The following WWTR1 variants were observed in gnomAD, a reference collection of about 807,000 sequenced individuals.
WWTR1 encodes WW domain containing transcription regulator 1.
WWTR1 carries 13 observed loss-of-function variants against 40.1 expected under a neutral mutation model. That is an observed-to-expected ratio of 0.32 (90% confidence interval 0.21 to 0.52). The LOEUF (loss-of-function observed/expected upper bound fraction) is 0.52, where lower values mean the gene tolerates loss of function less well. WWTR1 is among the 20% of genes least tolerant of loss of function. WWTR1 has a pLI of 0.97. For synonymous variants in WWTR1, 230 were observed against 210.1 expected, an observed-to-expected ratio of 1.09 and a Z score of -0.82; for missense variants, 436 against 523.1, an observed-to-expected ratio of 0.83 and a Z score of 1.63.
At chr3:149,714,437 G>A (rs1325112180) in intron 5 of WWTR1, among the ~76,000 whole-genome samples, 1 of 152,208 alleles carries the variant, frequency 6.6e-6, no homozygotes. Flanking sequence ...GCGCCCCCTC[G>A]GATCTCAGAG....
Position 149,519,338 on chromosome 3 carries a change from C to T in WWTR1, c.*1467G>A, listed in dbSNP as rs908315324. On this transcript the variant is annotated 3_prime_UTR_variant, in exon 7 of 7. Coordinates refer to ENST00000360632, the MANE Select transcript of WWTR1 (RefSeq NM_015472.6). ...ACTTAGGAATCAATTTTACTGAATT[C>T]AGAAACATTTATCTCCACCATACAC... 1 of 152,168 alleles carries T rather than the reference C, an allele frequency of 6.6e-6. No homozygotes were observed. Among genetic ancestry groups the T allele is most frequent in the Non-Finnish European group, 1.5e-5 (1 of 68,036 alleles). 9.4% of individuals were successfully genotyped at this position (152,168 alleles called of 1,614,324 possible).
intron 1 of WWTR1, among the ~76,000 whole-genome samples, chr3:149,686,369 A>C (rs1714652862): frequency 6.6e-6 from 1 of 152,116 alleles, no homozygotes; most frequent in Non-Finnish European, 1.5e-5. Flanking sequence ...GAGTGAAGAA[A>C]CCAGCTAGGG....
intron 2 of WWTR1, among the ~76,000 whole-genome samples, chr3:149,611,852 T>C (rs1424620858): frequency 6.6e-6 from 1 of 152,264 alleles, no homozygotes; most frequent in Non-Finnish European, 1.5e-5. Context: ...CTCACAAATA[T>C]GTTTGTTCAC....
chr3:149,625,533 G>A lies in WWTR1; in HGVS notation c.431+31343C>T, dbSNP rs964172107. 2.0e-4 allele frequency among the ~76,000 whole-genome samples: 30 copies of A among 152,074 alleles called. 1 individual carries two copies. Among genetic ancestry groups the A allele is most frequent in the Non-Finnish European group, 5.9e-5 (4 of 67,968 alleles). The stretch of plus-strand genomic sequence containing the variant: ...GAGCATGGTATGGTGGCTCATGCCT[G>A]TAATCCCAGCACTTTGGAAGGCCAA... On this transcript the variant is annotated intron_variant, in intron 2 of 6. Transcript: ENST00000360632.
At chr3:149,526,452 A>T (rs1735318069) in intron 5 of WWTR1, among the ~76,000 whole-genome samples, 1 of 151,976 alleles carries the variant, frequency 6.6e-6, no homozygotes, top group Admixed American at 6.6e-5. Flanking sequence ...TTGCTTATGG[A>T]TACATACACT....
intron 2 of WWTR1, among the ~76,000 whole-genome samples, chr3:149,642,288 C>T (rs1560099381): frequency 6.6e-6 from 1 of 151,916 alleles, no homozygotes; most frequent in African/African-American, 2.4e-5. Flanking sequence ...GGCGTGGTGG[C>T]CCATGCCTGT....
intron 5 of WWTR1, among the ~76,000 whole-genome samples, chr3:149,709,316 C>T (rs916527145): frequency 2.6e-5 from 4 of 151,162 alleles, no homozygotes; most frequent in South Asian, 4.2e-4. Context: ...ATTGGTGTGA[C>T]GTGTTAACTC....
At position 149,525,829 on chromosome 3, in the gene WWTR1, G is replaced by A. The variant is rs538842523; in HGVS notation, c.1018+184C>T. Reference sequence around the variant, plus strand: ...ACTATGCTCACTACCTGGGTGACGAGAGCAATCGTATCCCAAACCCCGGCA... The same window carrying A: ...ACTATGCTCACTACCTGGGTGACGAAAGCAATCGTATCCCAAACCCCGGCA... On this transcript the variant is annotated intron_variant, in intron 6 of 6. Coordinates refer to ENST00000360632, the MANE Select transcript of WWTR1 (RefSeq NM_015472.6). 83 of 392,908 alleles carry A rather than the reference G, an allele frequency of 2.1e-4. 1 individual carries two copies. The highest frequency in any genetic ancestry group is 1.6e-3 in the African/African-American group (75 of 48,244). The allele number at this position is 392,908 out of a possible 1,614,324, so 24.3% of individuals were successfully genotyped here.
intron 2 of WWTR1, among the ~76,000 whole-genome samples, chr3:149,603,854 C>CAAA (rs370980729): frequency 3.1e-4 from 26 of 83,266 alleles, no homozygotes; most frequent in East Asian, 6.3e-4. Flanking sequence ...AGCGGCATAC[C>CAAA]AAAAAAAAAA....
At chr3:149,684,561 C>A (rs953589420) in intron 1 of WWTR1, among the ~76,000 whole-genome samples, 7 of 146,552 alleles carry the variant, frequency 4.8e-5, no homozygotes, top group Non-Finnish European at 1.1e-4. Flanking sequence ...TCTCATTATT[C>A]TTTTTTTTTT....
chr3:149,660,535 A>G (rs1290413692), upstream of WWTR1, among the ~76,000 whole-genome samples: 2 of 152,254 alleles, frequency 1.3e-5, no homozygotes, highest in African/African-American at 4.8e-5. Context: ...AATTCAAAAG[A>G]TTTGCTGTTG....
In WWTR1 at chr3:149,532,599, C is replaced by T. The variant is rs1359045406; in HGVS notation, c.772-4630G>A. 2.6e-5 allele frequency among the ~76,000 whole-genome samples: 4 copies of T among 152,178 alleles called. No individual in the cohort carries two copies. In the East Asian group the frequency reaches 7.7e-4, roughly 29 times the overall value. Reference sequence around the variant, plus strand: ...CCTTTTTTTGAATGAAAATACTTCCCTATTCCAACTCATGAACTGAAAGAG... The same window carrying T: ...CCTTTTTTTGAATGAAAATACTTCCTTATTCCAACTCATGAACTGAAAGAG... On this transcript the variant is annotated intron_variant, in intron 4 of 6. Coordinates refer to ENST00000360632, the MANE Select transcript of WWTR1 (RefSeq NM_015472.6).
chr3:149,628,913 A>G (rs1358065209), intron 2 of WWTR1, among the ~76,000 whole-genome samples: 1 of 151,956 alleles, frequency 6.6e-6, no homozygotes, highest in African/African-American at 2.4e-5. Flanking sequence ...AGCTGGGACC[A>G]CAGACACATA....
At chr3:149,713,201 GT>G (rs1209372407) in intron 5 of WWTR1, among the ~76,000 whole-genome samples, 1 of 151,940 alleles carries the variant, frequency 6.6e-6, no homozygotes, top group East Asian at 1.9e-4. Flanking sequence ...CATGCACTCA[GT>G]ATTCATTTAA....
intron 2 of WWTR1, among the ~76,000 whole-genome samples, chr3:149,582,296 A>C (rs1169120628): frequency 1.3e-5 from 2 of 151,984 alleles, no homozygotes; most frequent in East Asian, 3.8e-4. Flanking sequence ...AAAAAAAAAA[A>C]GGACTGGGAG....
At chr3:149,622,529 G>T (rs967152188) in intron 2 of WWTR1, among the ~76,000 whole-genome samples, 1 of 149,512 alleles carries the variant, frequency 6.7e-6, no homozygotes, top group Non-Finnish European at 1.5e-5. Flanking sequence ...AAGAAAGAAA[G>T]AAAGAAAGAA....
At chr3:149,603,966 G>C (rs998076520) in intron 2 of WWTR1, among the ~76,000 whole-genome samples, 3 of 150,262 alleles carry the variant, frequency 2.0e-5, no homozygotes, top group African/African-American at 7.3e-5. Context: ...ATTTTATGTT[G>C]TATTCATGAT....
chr3:149,661,546 C>T (rs1013275065), upstream of WWTR1, among the ~76,000 whole-genome samples: 1 of 151,686 alleles, frequency 6.6e-6, no homozygotes, highest in East Asian at 1.9e-4. Flanking sequence ...CTCAGCCTCC[C>T]GAGTAGTTGG....
chr3:149,605,255 T>C (rs1739432897), intron 2 of WWTR1, among the ~76,000 whole-genome samples: 1 of 152,172 alleles, frequency 6.6e-6, no homozygotes, highest in Non-Finnish European at 1.5e-5. Flanking sequence ...AAAATCACTT[T>C]GGCCACAGCA....
Sources: gnomAD v4.1 joint callset for allele counts (sites outside exome capture counted in the v4.1 genomes callset) on GRCh38, gnomAD v4.1.1 for gene constraint, MANE v1.5 for transcripts, NCBI Gene and HGNC (gene_info 2026-07-23, HGNC 2026-07-21) for gene names.